The following IGFBP7 variants were observed in gnomAD, a reference collection of about 807,000 sequenced individuals.
IGFBP7 encodes the protein insulin like growth factor binding protein 7.
IGFBP7 carries 31 observed loss-of-function variants against 29.4 expected under a neutral mutation model. That is an observed-to-expected ratio of 1.05 (90% CI 0.79 to 1.42). IGFBP7 has a LOEUF of 1.42. IGFBP7 is among the 40% of genes most tolerant of loss of function. The pLI is 0.00. For synonymous variants in IGFBP7, 172 were observed against 174.9 expected (o/e 0.98, Z 0.13); for missense variants, 393 against 395.5 (o/e 0.99, Z 0.05).
intron 1 of IGFBP7, among the ~76,000 whole-genome samples, chr4:57,055,669 T>G (rs927900228): frequency 6.6e-6 from 1 of 151,792 alleles, no homozygotes; most frequent in Non-Finnish European, 1.5e-5. Context: ...TGCTTTCCAT[T>G]TTCATAAAAT....
intron 1 of IGFBP7, among the ~76,000 whole-genome samples, chr4:57,068,204 C>T (rs531486446): frequency 4.6e-5 from 7 of 151,052 alleles, no homozygotes; most frequent in East Asian, 1.9e-4. Context: ...GTGGGAGAAT[C>T]GCTTGAGCCT....
intron 1 of IGFBP7, among the ~76,000 whole-genome samples, chr4:57,051,585 T>C (rs1308731705): frequency 2.0e-5 from 3 of 152,272 alleles, no homozygotes; most frequent in Admixed American, 6.5e-5. Context: ...ATATAATCTG[T>C]TGGGGTGGTG....
chr4:57,054,462 G>A (rs1713969), intron 1 of IGFBP7, among the ~76,000 whole-genome samples: 125,227 of 151,388 alleles, frequency 0.83, 52,261 homozygotes, highest in East Asian at 0.94. Context: ...GTGAAAACCC[G>A]TCTCTACTAA....
chr4:57,102,147 T>C (rs1341039525), intron 1 of IGFBP7, among the ~76,000 whole-genome samples: 1 of 152,100 alleles, frequency 6.6e-6, no homozygotes, highest in Non-Finnish European at 1.5e-5. Flanking sequence ...TCTCATCCAC[T>C]GTAGGGAGGA....
At position 57,030,827 on chromosome 4, in the gene IGFBP7, C is replaced by T. The variant is rs1723894127; in HGVS notation, c.*490G>A. The stretch of plus-strand genomic sequence containing the variant: ...ATTATCTACAGTACCAGATCTTTGT[C>T]TTTTTCTGGGGTAGAGAAGTGGGGT... On this transcript the variant is annotated 3_prime_UTR_variant, in exon 5 of 5. Transcript: ENST00000295666. The T allele has an allele frequency of 2.3e-6, 2 of 851,646 alleles. No homozygotes were observed. The highest frequency in any genetic ancestry group is 1.8e-5 in the Admixed American group (1 of 55,682). 52.8% of individuals were successfully genotyped at this position (851,646 alleles called of 1,614,324 possible).
intron 2 of IGFBP7, among the ~76,000 whole-genome samples, chr4:57,035,191 T>G (rs1372994233): frequency 1.3e-5 from 2 of 152,248 alleles, no homozygotes; most frequent in Non-Finnish European, 2.9e-5. Context: ...CATTTTATGC[T>G]AATTAACCTG....
At chr4:57,084,507 C>T (rs994134489) in intron 1 of IGFBP7, among the ~76,000 whole-genome samples, 2 of 152,156 alleles carry the variant, frequency 1.3e-5, no homozygotes, top group Non-Finnish European at 2.9e-5. Flanking sequence ...GCAGTTTAAA[C>T]ATTTTCCAAG....
intron 1 of IGFBP7, among the ~76,000 whole-genome samples, chr4:57,042,766 C>T (rs1160567676): frequency 6.6e-6 from 1 of 152,156 alleles, no homozygotes; most frequent in Non-Finnish European, 1.5e-5. Context: ...TTATTTGTTT[C>T]CTGTGGTCTC....
Position 57,110,170 on chromosome 4 carries a change from G to A in IGFBP7, c.182C>T (p.Pro61Leu), listed in dbSNP as rs1219321369. Reference protein sequence around the residue: ...GETRDACGCCPMCARGEGEPC... With the variant: ...GETRDACGCCLMCARGEGEPC... ...CTCGCCCTCGCCGCGGGCGCACATA[G>A]GGCAGCAGCCGCACGCGTCGCGGGT... Residue 61 changes from proline to leucine, a missense_variant, in exon 1 of 5, where the codon CCT (proline) becomes CTT (leucine). Transcript: ENST00000295666. The A allele has an allele frequency of 7.1e-6, 10 of 1,412,756 alleles. No individual in the cohort carries two copies. The Middle Eastern group carries it at 1.4e-3, about 201-fold the overall frequency. 87.5% of individuals were successfully genotyped at this position (1,412,756 alleles called of 1,614,324 possible).
At chr4:57,037,707 G>T (rs996202319) in intron 2 of IGFBP7, among the ~76,000 whole-genome samples, 2 of 152,224 alleles carry the variant, frequency 1.3e-5, no homozygotes, top group Non-Finnish European at 2.9e-5. Context: ...AAGGACTGAA[G>T]AAATTATTCT....
intron 1 of IGFBP7, among the ~76,000 whole-genome samples, chr4:57,068,850 G>A (rs992125069): frequency 1.3e-5 from 2 of 151,930 alleles, no homozygotes; most frequent in African/African-American, 2.4e-5. Context: ...GCTGGAGCAT[G>A]CTTTCTCTTC....
intron 1 of IGFBP7, among the ~76,000 whole-genome samples, chr4:57,048,525 A>G (rs1365578788): frequency 6.6e-6 from 1 of 152,264 alleles, no homozygotes; most frequent in Non-Finnish European, 1.5e-5. Flanking sequence ...TTGGTTCAGA[A>G]GAATTTAAGA....
In IGFBP7 at chr4:57,100,172, C is replaced by T. The variant is rs114482849; in HGVS notation, c.475+9705G>A. Among the ~76,000 whole-genome samples, 1,288 of 147,158 alleles carry T rather than the reference C, an allele frequency of 8.8e-3. 22 individuals are homozygous for T. Among genetic ancestry groups the T allele is most frequent in the African/African-American group, 0.031 (1,215 of 39,828 alleles). On this transcript the variant is annotated intron_variant, in intron 1 of 4. Coordinates refer to ENST00000295666, the MANE Select transcript of IGFBP7 (RefSeq NM_001553.3). ...TGCAGCCTTGATGACTGTGCTAGAGCGACCCTCTCACTTTAGCCTCCTGAG... is the reference window on the plus strand; with the variant it reads ...TGCAGCCTTGATGACTGTGCTAGAGTGACCCTCTCACTTTAGCCTCCTGAG...
chr4:57,085,758 A>T (rs1725483055), intron 1 of IGFBP7, among the ~76,000 whole-genome samples: 1 of 152,118 alleles, frequency 6.6e-6, no homozygotes, highest in South Asian at 2.1e-4. Context: ...TTACAAGGAG[A>T]CATTGTCCAA....
chr4:57,090,585 C>T (rs938666386), intron 1 of IGFBP7, among the ~76,000 whole-genome samples: 1 of 152,160 alleles, frequency 6.6e-6, no homozygotes, highest in African/African-American at 2.4e-5. Context: ...ACTTGTAATC[C>T]TAGCACTTTG....
chr4:57,083,236 T>C (rs559550098), intron 1 of IGFBP7, among the ~76,000 whole-genome samples: 60 of 152,344 alleles, frequency 3.9e-4, no homozygotes, highest in African/African-American at 1.4e-3. Context: ...AGATTACTTT[T>C]GAAAAGCTTG....
intron 2 of IGFBP7, among the ~76,000 whole-genome samples, chr4:57,034,405 T>G (rs1435750528): frequency 1.3e-5 from 2 of 152,080 alleles, no homozygotes; most frequent in Non-Finnish European, 2.9e-5. Flanking sequence ...CAGATCTCCT[T>G]TAAGAGCCAA....
In IGFBP7 at chr4:57,073,160, C is replaced by T. The variant is rs150148251; in HGVS notation, c.476-32227G>A. On this transcript the variant is annotated intron_variant, in intron 1 of 4. Coordinates refer to ENST00000295666, the MANE Select transcript of IGFBP7 (RefSeq NM_001553.3). ...CAGGCTGCCCAGCCTGTCCTTGTGTCGTCTTTTTAAGTTTTCCTTAGATGG... is the reference window on the plus strand; with the variant it reads ...CAGGCTGCCCAGCCTGTCCTTGTGTTGTCTTTTTAAGTTTTCCTTAGATGG... 337 of 1,568,862 alleles carry T rather than the reference C, an allele frequency of 2.1e-4. 2 individuals are homozygous for T. The African/African-American group carries it at 4.0e-3, about 18-fold the overall frequency.
chr4:57,103,963 C>A (rs539715078), intron 1 of IGFBP7, among the ~76,000 whole-genome samples: 1 of 152,146 alleles, frequency 6.6e-6, no homozygotes, highest in Admixed American at 6.5e-5. Flanking sequence ...CCTCTCTAAC[C>A]AAACTTGTGT....
Sources: gnomAD v4.1 joint callset for allele counts (sites outside exome capture counted in the v4.1 genomes callset) on GRCh38, gnomAD v4.1.1 for gene constraint, MANE v1.5 for transcripts, NCBI Gene and HGNC (gene_info 2026-07-23, HGNC 2026-07-21) for gene names.